GRM7: variants seen among roughly 807,000 people sequenced by gnomAD.
The protein encoded by GRM7 is glutamate metabotropic receptor 7.
In GRM7, 35 loss-of-function variants were observed where a neutral mutation model predicts 84.5. The ratio of observed to expected loss-of-function variants is 0.41; its 90% CI spans 0.32 to 0.55. GRM7 has a LOEUF of 0.55. Ranked by LOEUF, GRM7 falls within the 20% of genes least tolerant of loss-of-function variation. The pLI is 0.19. For missense variants in GRM7, 1,003 were observed against 1,194.6 expected (o/e 0.84, Z 2.36); for synonymous variants, 487 against 455.1 (o/e 1.07, Z -0.89).
At chr3:6,864,920 G>T (rs1694889146) in intron 1 of GRM7, among the ~76,000 whole-genome samples, 1 of 152,210 alleles carries the variant, frequency 6.6e-6, no homozygotes, top group Non-Finnish European at 1.5e-5. Context: ...GACTGCTGGT[G>T]TACCAGATTG....
intron 1 of GRM7, among the ~76,000 whole-genome samples, chr3:7,101,594 A>C (rs1499168): frequency 0.17 from 25,044 of 151,094 alleles, 2,191 homozygotes; most frequent in South Asian, 0.2. Context: ...TTTTCTTATT[A>C]GTATATTTAT....
intron 9 of GRM7, among the ~76,000 whole-genome samples, chr3:7,695,256 AC>A (rs1700973360): frequency 6.6e-6 from 1 of 152,144 alleles, no homozygotes; most frequent in African/African-American, 2.4e-5. Flanking sequence ...GAGCAGAAAA[AC>A]ATAGCATCAC....
At chr3:7,187,027 G>T (rs532174375) in intron 2 of GRM7, among the ~76,000 whole-genome samples, 1 of 152,076 alleles carries the variant, frequency 6.6e-6, no homozygotes, top group African/African-American at 2.4e-5. Context: ...GACTCCAGAG[G>T]TTGCAGTGAG....
At chr3:6,907,330 T>A (rs987438299) in intron 1 of GRM7, among the ~76,000 whole-genome samples, 4 of 152,238 alleles carry the variant, frequency 2.6e-5, no homozygotes, top group African/African-American at 9.6e-5. Context: ...GGATTTCAAC[T>A]GTAAAAAGTA....
intron 7 of GRM7, among the ~76,000 whole-genome samples, chr3:7,554,255 C>A (rs1283874318): frequency 1.3e-5 from 2 of 152,162 alleles, no homozygotes; most frequent in Non-Finnish European, 2.9e-5. Context: ...TGAACCTAAA[C>A]CCTGTTTAAA....
At chr3:7,054,161 A>G (rs1056968293) in intron 1 of GRM7, among the ~76,000 whole-genome samples, 2 of 150,546 alleles carry the variant, frequency 1.3e-5, no homozygotes, top group Non-Finnish European at 3.0e-5. Context: ...AACTTATATC[A>G]TTTGCTATGA....
intron 1 of GRM7, among the ~76,000 whole-genome samples, chr3:6,948,511 C>A (rs1033086005): frequency 6.6e-6 from 1 of 152,134 alleles, no homozygotes; most frequent in Non-Finnish European, 1.5e-5. Context: ...TGGTGTGGTT[C>A]TGAGAAGAAT....
intron 8 of GRM7, among the ~76,000 whole-genome samples, chr3:7,625,343 A>T (rs1290274330): frequency 6.6e-6 from 1 of 152,196 alleles, no homozygotes; most frequent in African/African-American, 2.4e-5. Context: ...TCTAGAGGGC[A>T]AGAAAAAAGG....
chr3:7,080,310 C>G (rs1197565440), intron 1 of GRM7, among the ~76,000 whole-genome samples: 1 of 151,884 alleles, frequency 6.6e-6, no homozygotes, highest in Non-Finnish European at 1.5e-5. Context: ...CTCTATATTC[C>G]TAGAGTTTCC....
intron 8 of GRM7, among the ~76,000 whole-genome samples, chr3:7,584,370 G>C (rs1376766158): frequency 6.6e-6 from 1 of 152,166 alleles, no homozygotes; most frequent in Admixed American, 6.5e-5. Context: ...TCTACCTTAA[G>C]AGGAAATATT....
At chr3:7,600,282 CAG>C (rs1696252550) in intron 8 of GRM7, among the ~76,000 whole-genome samples, 2 of 152,070 alleles carry the variant, frequency 1.3e-5, no homozygotes, top group Non-Finnish European at 2.9e-5. Flanking sequence ...TAGAGGGAAA[CAG>C]ATTTTCTTTA....
rs147922404 is a variant in GRM7, at chr3:7,101,044, A to G, written c.520-45408A>G. 4.6e-3 allele frequency among the ~76,000 whole-genome samples: 696 copies of G among 151,902 alleles called. 6 individuals carry two copies. The highest frequency in any genetic ancestry group is 0.016 in the African/African-American group (658 of 41,498). ...GGTTGACAGTTTTTGTTTATTGTGA[A>G]TAAAGCCATTGTGAATATCCCTGTA... On this transcript the variant is annotated intron_variant, in intron 1 of 9. Transcript: ENST00000357716.
At chr3:7,023,868 C>T (rs1489092810) in intron 1 of GRM7, among the ~76,000 whole-genome samples, 4 of 152,186 alleles carry the variant, frequency 2.6e-5, no homozygotes, top group Non-Finnish European at 5.9e-5. Context: ...TACATAAGTT[C>T]ATCAGGAGAG....
At chr3:7,555,486 G>T (rs1693713661) in intron 7 of GRM7, among the ~76,000 whole-genome samples, 1 of 152,076 alleles carries the variant, frequency 6.6e-6, no homozygotes, top group Non-Finnish European at 1.5e-5. Flanking sequence ...CTCACATTTT[G>T]CAATAGCTGT....
chr3:6,963,565 C>T (rs1275191169), intron 1 of GRM7, among the ~76,000 whole-genome samples: 1 of 148,956 alleles, frequency 6.7e-6, no homozygotes, highest in Admixed American at 6.9e-5. Context: ...TTTCAGGTTA[C>T]AGTGAGCCCT....
chr3:7,089,744 C>T (rs1396235618), intron 1 of GRM7, among the ~76,000 whole-genome samples: 1 of 152,126 alleles, frequency 6.6e-6, no homozygotes, highest in African/African-American at 2.4e-5. Flanking sequence ...ACCAAGAAGG[C>T]AGGAGCTTGT....
chr3:7,099,509 CATATATGTATATGT>C (rs1559439315), intron 1 of GRM7, among the ~76,000 whole-genome samples: 3 of 147,388 alleles, frequency 2.0e-5, no homozygotes, highest in Non-Finnish European at 4.5e-5. Context: ...TACATGTACA[CATATATGTATATGT>C]ACACGCATTA....
chr3:7,444,545 C>G (rs1032215524), intron 5 of GRM7, among the ~76,000 whole-genome samples: 4 of 152,172 alleles, frequency 2.6e-5, no homozygotes, highest in African/African-American at 9.6e-5. Context: ...AACAGATTGG[C>G]ATTACCCACA....
intron 1 of GRM7, among the ~76,000 whole-genome samples, chr3:6,866,846 T>C (rs901541936): frequency 5.9e-5 from 9 of 152,186 alleles, no homozygotes; most frequent in African/African-American, 2.2e-4. Context: ...TCCTTTGTAA[T>C]CGTTTGACCT....
Sources: allele counts gnomAD v4.1 joint callset (sites outside exome capture counted in the v4.1 genomes callset), GRCh38; gene constraint gnomAD v4.1.1; transcripts MANE v1.5; gene names NCBI Gene and HGNC (gene_info 2026-07-23, HGNC 2026-07-21).